Variants in RREB1 observed in about 807,000 individuals in gnomAD.
The protein encoded by RREB1 is ras-responsive element-binding protein 1.
Under a neutral mutation model 117.8 loss-of-function variants are expected in RREB1, and 27 were observed. The ratio of observed to expected loss-of-function variants is 0.23; its 90% CI spans 0.17 to 0.32. The LOEUF is 0.32. Ranked by LOEUF, RREB1 falls within the 10% of genes least tolerant of loss-of-function variation. RREB1 has a pLI of 1.00. For missense variants in RREB1, 2,577 were observed against 2,378.2 expected, an observed-to-expected ratio of 1.08 and a Z score of -1.74; for synonymous variants, 1,298 against 1,026.7, an observed-to-expected ratio of 1.26 and a Z score of -5.05.
intron 1 of RREB1, among the ~76,000 whole-genome samples, chr6:7,172,380 G>T (rs182034773): frequency 6.6e-6 from 1 of 151,662 alleles, no homozygotes; most frequent in African/African-American, 2.4e-5. Context: ...CTTGAATGTG[G>T]CCTGTACCAA....
intron 1 of RREB1, among the ~76,000 whole-genome samples, chr6:7,155,327 G>A (rs917732442): frequency 6.6e-6 from 1 of 152,208 alleles, no homozygotes; most frequent in Non-Finnish European, 1.5e-5. Context: ...GTTTGTCTGA[G>A]ACAGAGCTTT....
At chr6:7,196,237 T>TG (rs1561774875) in intron 6 of RREB1, among the ~76,000 whole-genome samples, 4 of 149,294 alleles carry the variant, frequency 2.7e-5, no homozygotes, top group African/African-American at 9.9e-5. Flanking sequence ...TTTTGTTTTT[T>TG]TTTTTTTTTG....
chr6:7,221,522 G>T (rs1458851332), intron 8 of RREB1, among the ~76,000 whole-genome samples: 1 of 152,218 alleles, frequency 6.6e-6, no homozygotes, highest in African/African-American at 2.4e-5. Flanking sequence ...TGCACCACAT[G>T]CTTCTGGTTT....
At chr6:7,114,475 G>GA (rs1561722488) in intron 1 of RREB1, among the ~76,000 whole-genome samples, 1 of 151,904 alleles carries the variant, frequency 6.6e-6, no homozygotes, top group African/African-American at 2.4e-5. Flanking sequence ...TGGTGGGGGG[G>GA]GGGGCGGCAG....
intron 1 of RREB1, among the ~76,000 whole-genome samples, chr6:7,126,590 A>G (rs1326522084): frequency 1.3e-5 from 2 of 152,194 alleles, no homozygotes; most frequent in Non-Finnish European, 2.9e-5. Context: ...AACTAGTAAC[A>G]GAGAATTACG....
At chr6:7,193,658 G>A (rs1765523574) in intron 6 of RREB1, among the ~76,000 whole-genome samples, 1 of 152,010 alleles carries the variant, frequency 6.6e-6, no homozygotes, top group East Asian at 1.9e-4. Flanking sequence ...GGTATCTTGA[G>A]GATGGGACAC....
chr6:7,121,805 G>A (rs1238152564), intron 1 of RREB1, among the ~76,000 whole-genome samples: 3 of 151,764 alleles, frequency 2.0e-5, no homozygotes, highest in Non-Finnish European at 4.4e-5. Context: ...GAACAAAACC[G>A]ACAGTGACGT....
intron 1 of RREB1, among the ~76,000 whole-genome samples, chr6:7,143,851 C>CTTTTTTTTTTTTTT (rs11365387): frequency 1.1e-4 from 10 of 89,374 alleles, no homozygotes; most frequent in African/African-American, 1.6e-4. Flanking sequence ...TTTTTTCTTT[C>CTTTTTTTTTTTTTT]TTTTTTTTTT....
chr6:7,157,867 C>A (rs184572207), intron 1 of RREB1, among the ~76,000 whole-genome samples: 274 of 152,274 alleles, frequency 1.8e-3, no homozygotes, highest in Middle Eastern at 3.4e-3. Context: ...CTCTACCACT[C>A]GCTGCTAATG....
intron 10 of RREB1, among the ~76,000 whole-genome samples, chr6:7,239,105 G>A (rs1581588285): frequency 6.6e-6 from 1 of 152,228 alleles, no homozygotes; most frequent in African/African-American, 2.4e-5. Context: ...AGGGGAGTGC[G>A]TGGCCTTGGG....
intron 9 of RREB1, among the ~76,000 whole-genome samples, chr6:7,227,498 G>A (rs965801290): frequency 4.6e-5 from 7 of 151,810 alleles, no homozygotes; most frequent in South Asian, 4.2e-4. Flanking sequence ...TCGAGATCGC[G>A]CCACTGCACT....
At position 7,249,364 on chromosome 6, in the gene RREB1, C is replaced by T. The variant is rs553373195; in HGVS notation, c.*396C>T. On this transcript the variant is annotated 3_prime_UTR_variant, in exon 13 of 13. Coordinates refer to ENST00000379938, the MANE Select transcript of RREB1 (RefSeq NM_001003699.4). Reference sequence around the variant, plus strand: ...TGTTCTTGTGAATCTGTGATAGCACCGTTTGTTCTGTGAGCTGGAAACAGA... The same window carrying T: ...TGTTCTTGTGAATCTGTGATAGCACTGTTTGTTCTGTGAGCTGGAAACAGA... The T allele has an allele frequency of 7.2e-5, 13 of 180,924 alleles. No homozygotes were observed. Among genetic ancestry groups the T allele is most frequent in the Admixed American group, 1.9e-4 (3 of 16,186 alleles). 11.2% of individuals were successfully genotyped at this position (180,924 alleles called of 1,614,324 possible).
chr6:7,152,126 G>A (rs1320469514), intron 1 of RREB1, among the ~76,000 whole-genome samples: 1 of 152,210 alleles, frequency 6.6e-6, no homozygotes, highest in Non-Finnish European at 1.5e-5. Context: ...GAGAGTGATA[G>A]TAAGATGTGA....
chr6:7,247,281 T>G, intron 12 of RREB1, 60 bp downstream of exon 12: 2 of 1,481,446 alleles, frequency 1.4e-6, no homozygotes, highest in Non-Finnish European at 1.8e-6. Context: ...GCACCTCTCC[T>G]AGGAGCTCCC....
intron 11 of RREB1, among the ~76,000 whole-genome samples, chr6:7,244,123 C>A (rs1383845306): frequency 2.0e-5 from 3 of 151,792 alleles, no homozygotes; most frequent in African/African-American, 7.3e-5. Context: ...ATTAGCTGGG[C>A]ATGGTGGCTC....
chr6:7,181,639 G>C (rs945306396), intron 3 of RREB1: 1 of 596,546 alleles, frequency 1.7e-6, no homozygotes, highest in African/African-American at 1.9e-5. Context: ...GAGTCCTGTT[G>C]GTAGTGCACA....
chr6:7,147,669 G>C (rs552662204), intron 1 of RREB1, among the ~76,000 whole-genome samples: 1 of 152,280 alleles, frequency 6.6e-6, no homozygotes, highest in East Asian at 1.9e-4. Flanking sequence ...TGTTTGAGAA[G>C]TTCCTAATGC....
chr6:7,175,093 T>C (rs145925711), intron 1 of RREB1, among the ~76,000 whole-genome samples: 40 of 152,292 alleles, frequency 2.6e-4, no homozygotes, highest in Non-Finnish European at 4.9e-4. Flanking sequence ...TTAATTAAAA[T>C]ATGAAAAAAG....
intron 6 of RREB1, among the ~76,000 whole-genome samples, chr6:7,206,947 T>C (rs1766308261): frequency 6.6e-6 from 1 of 152,206 alleles, no homozygotes; most frequent in Non-Finnish European, 1.5e-5. Context: ...GTCTAGCAGA[T>C]AGGTGGAAGC....
Sources: allele counts gnomAD v4.1 joint callset (sites outside exome capture counted in the v4.1 genomes callset), GRCh38; gene constraint gnomAD v4.1.1; transcripts MANE v1.5; gene names NCBI Gene and HGNC (gene_info 2026-07-23, HGNC 2026-07-21).